The following CSMD1 variants were observed in gnomAD, a reference collection of about 807,000 sequenced individuals.
CSMD1 encodes the protein CUB and sushi domain-containing protein 1.
A neutral mutation model predicts 417.5 loss-of-function variants in CSMD1; 213 were observed. The ratio of observed to expected loss-of-function variants is 0.51; its 90% CI spans 0.46 to 0.57. CSMD1 has a LOEUF of 0.57. CSMD1 is among the 20% of genes least tolerant of loss of function. CSMD1 has a pLI of 0.00. For missense variants in CSMD1, 6,923 were observed against 4,529.7 expected (o/e 1.53, Z -15.17); for synonymous variants, 2,862 against 1,736.8 (o/e 1.65, Z -16.11).
intron 12 of CSMD1, among the ~76,000 whole-genome samples, chr8:3,441,231 T>C (rs894561553): frequency 3.9e-5 from 6 of 152,090 alleles, no homozygotes; most frequent in African/African-American, 7.2e-5. Context: ...TGCTGACACC[T>C]TGATTTTGGA....
At chr8:3,792,908 T>G (rs571584409) in intron 5 of CSMD1, among the ~76,000 whole-genome samples, 1 of 152,206 alleles carries the variant, frequency 6.6e-6, no homozygotes, top group African/African-American at 2.4e-5. Flanking sequence ...ACCTGAGATT[T>G]ACCGTTAGGG....
At chr8:3,699,388 A>G (rs891095058) in intron 7 of CSMD1, among the ~76,000 whole-genome samples, 14 of 152,190 alleles carry the variant, frequency 9.2e-5, no homozygotes, top group Admixed American at 2.6e-4. Flanking sequence ...TCTCCATACA[A>G]CACATAACAT....
chr8:3,136,315 G>T lies in CSMD1; in HGVS notation c.6241+6150C>A, dbSNP rs192151491. On this transcript the variant is annotated intron_variant, in intron 41 of 69. Transcript: ENST00000635120. Reference sequence around the variant, plus strand: ...TCTGTCACCCAGACTGGAGTGCAATGGCATGATCTCGGCTCACTACAAACC... The same window carrying T: ...TCTGTCACCCAGACTGGAGTGCAATTGCATGATCTCGGCTCACTACAAACC... Among the ~76,000 whole-genome samples the T allele has an allele frequency of 1.2e-3, 184 of 147,640 alleles. 2 individuals carry two copies. Among genetic ancestry groups the T allele is most frequent in the African/African-American group, 4.4e-3 (175 of 39,682 alleles).
At chr8:3,669,282 C>A (rs1798861807) in intron 7 of CSMD1, among the ~76,000 whole-genome samples, 2 of 152,190 alleles carry the variant, frequency 1.3e-5, no homozygotes, top group Admixed American at 1.3e-4. Flanking sequence ...GTTTTCTCAT[C>A]TGTCATTTTG....
chr8:3,221,338 T>C (rs755904974), intron 28 of CSMD1, among the ~76,000 whole-genome samples: 8 of 152,136 alleles, frequency 5.3e-5, no homozygotes, highest in Non-Finnish European at 1.5e-5. Flanking sequence ...GAATAAAAGG[T>C]TGGAGTTACT....
intron 1 of CSMD1, among the ~76,000 whole-genome samples, chr8:4,909,331 C>T (rs1445589895): frequency 6.6e-6 from 1 of 152,092 alleles, no homozygotes; most frequent in African/African-American, 2.4e-5. Flanking sequence ...CTCCTTTTAC[C>T]TCCTTGCCTT....
At chr8:4,212,215 T>C (rs1257967404) in intron 3 of CSMD1, among the ~76,000 whole-genome samples, 1 of 150,920 alleles carries the variant, frequency 6.6e-6, no homozygotes, top group East Asian at 1.9e-4. Context: ...TCCATGTTGT[T>C]TTAACTTATT....
At chr8:4,183,287 A>C (rs1428796274) in intron 3 of CSMD1, among the ~76,000 whole-genome samples, 1 of 152,214 alleles carries the variant, frequency 6.6e-6, no homozygotes, top group East Asian at 1.9e-4. Flanking sequence ...AAAAATATTT[A>C]CACTACAGAA....
intron 1 of CSMD1, among the ~76,000 whole-genome samples, chr8:4,818,162 G>C (rs1426370783): frequency 6.6e-6 from 1 of 152,072 alleles, no homozygotes. Context: ...TGACAAATGA[G>C]ATTTATATAT....
At chr8:2,945,839 A>G (rs547953106) in intron 68 of CSMD1, among the ~76,000 whole-genome samples, 28 of 152,322 alleles carry the variant, frequency 1.8e-4, no homozygotes, top group African/African-American at 5.8e-4. Flanking sequence ...GTGTTTAGGT[A>G]GTTATAAATT....
chr8:4,726,166 C>A (rs927761153), intron 1 of CSMD1, among the ~76,000 whole-genome samples: 1 of 152,054 alleles, frequency 6.6e-6, no homozygotes, highest in Non-Finnish European at 1.5e-5. Context: ...GAATACAAAA[C>A]CTACAGTTGG....
chr8:4,301,087 T>A (rs1056526808), intron 3 of CSMD1, among the ~76,000 whole-genome samples: 1 of 152,184 alleles, frequency 6.6e-6, no homozygotes, highest in Non-Finnish European at 1.5e-5. Context: ...GGATGCCTAA[T>A]GAGTTCCCAT....
intron 3 of CSMD1, among the ~76,000 whole-genome samples, chr8:4,104,380 A>G (rs1231229654): frequency 6.6e-6 from 1 of 152,218 alleles, no homozygotes; most frequent in Non-Finnish European, 1.5e-5. Flanking sequence ...TGCACAGGGC[A>G]GTACTACACA....
chr8:4,280,014 T>C (rs1410501311), intron 3 of CSMD1, among the ~76,000 whole-genome samples: 1 of 152,224 alleles, frequency 6.6e-6, no homozygotes, highest in Non-Finnish European at 1.5e-5. Flanking sequence ...TATCTGCTGC[T>C]TCCTTCCCAG....
In CSMD1 at chr8:3,886,014, T is replaced by C. The variant is rs1051805827; in HGVS notation, c.818+111889A>G. On this transcript the variant is annotated intron_variant, in intron 5 of 69. Coordinates refer to ENST00000635120, the MANE Select transcript of CSMD1 (RefSeq NM_033225.6). ...ATATATATGTGTACATATATATGTG[T>C]ACATATATATACATACATATATATA... 5.3e-5 allele frequency among the ~76,000 whole-genome samples: 8 copies of C among 151,926 alleles called. No homozygotes were observed. In the East Asian group the frequency reaches 7.7e-4, roughly 15 times the overall value.
chr8:3,436,115 G>A (rs981726150), intron 12 of CSMD1, among the ~76,000 whole-genome samples: 1 of 152,082 alleles, frequency 6.6e-6, no homozygotes, highest in Non-Finnish European at 1.5e-5. Context: ...TCACTCTCCA[G>A]CCCTCTGACC....
intron 51 of CSMD1, among the ~76,000 whole-genome samples, chr8:3,019,052 C>T (rs575664726): frequency 1.1e-4 from 17 of 152,152 alleles, no homozygotes; most frequent in African/African-American, 2.2e-4. Flanking sequence ...CGAGTAGCTG[C>T]GATTAAAGGC....
In CSMD1 at chr8:3,181,233, A is replaced by G; in HGVS notation, c.5621-19T>C. 2 of 1,513,098 alleles carry G rather than the reference A, an allele frequency of 1.3e-6. No homozygotes were observed. The highest frequency in any genetic ancestry group is 2.3e-5 in the East Asian group (1 of 44,342). The allele number at this position is 1,513,098 out of a possible 1,614,324, so 93.7% of individuals were successfully genotyped here. Reference sequence around the variant, plus strand: ...GTGGTGCCTGTAAGAAACAATGCAGATAGAATTGTAACACTACAAATACAT... The same window carrying G: ...GTGGTGCCTGTAAGAAACAATGCAGGTAGAATTGTAACACTACAAATACAT... On this transcript the variant is annotated intron_variant, in intron 36 of 69. Coordinates refer to ENST00000635120, the MANE Select transcript of CSMD1 (RefSeq NM_033225.6).
rs182171098 is a variant in CSMD1 at position 4,704,219 on chromosome 8, C to G, written c.86-66661G>C. On this transcript the variant is annotated intron_variant, in intron 1 of 69. Transcript: ENST00000635120. ...ATACGCTGGTAGCACCTTACATTGT[C>G]ATTTAAGTCATTTGCATTTGTAATC... Among the ~76,000 whole-genome samples the G allele has an allele frequency of 9.5e-4, 145 of 152,340 alleles. 1 individual carries two copies. Among genetic ancestry groups the G allele is most frequent in the Non-Finnish European group, 1.4e-3 (93 of 68,040 alleles).
Sources: allele counts gnomAD v4.1 joint callset (sites outside exome capture counted in the v4.1 genomes callset), GRCh38; gene constraint gnomAD v4.1.1; transcripts MANE v1.5; gene names NCBI Gene and HGNC (gene_info 2026-07-23, HGNC 2026-07-21).